Variants in MMEL1 observed in about 807,000 individuals in gnomAD.
MMEL1 encodes the protein membrane metallo-endopeptidase-like 1.
In MMEL1, 98 loss-of-function variants were observed where a neutral mutation model predicts 117.1. The ratio of observed to expected loss-of-function variants is 0.84; its 90% CI spans 0.71 to 0.99. The LOEUF (loss-of-function observed/expected upper bound fraction) is 0.99. Ranked by LOEUF, MMEL1 falls within the 50% of genes least tolerant of loss-of-function variation. MMEL1 has a pLI of 0.00. For missense variants in MMEL1, 1,014 were observed against 1,049.1 expected (o/e 0.97, Z 0.46); for synonymous variants, 390 against 415.1 (o/e 0.94, Z 0.74).
intron 2 of MMEL1, among the ~76,000 whole-genome samples, chr1:2,624,524 T>C (rs1557558920): frequency 2.0e-5 from 3 of 152,256 alleles, no homozygotes; most frequent in Admixed American, 6.5e-5. Flanking sequence ...TGGTGCAATG[T>C]ATTATTATGT....
intron 7 of MMEL1, 30 bp from the exon 8 acceptor site, chr1:2,606,396 T>G: frequency 6.3e-7 from 1 of 1,576,274 alleles, no homozygotes; most frequent in Non-Finnish European, 8.7e-7. Context: ...CACTGGAGAC[T>G]GGCGGGCCCT....
At chr1:2,621,790 G>A (rs1363129816) in intron 2 of MMEL1, among the ~76,000 whole-genome samples, 3 of 152,192 alleles carry the variant, frequency 2.0e-5, no homozygotes, top group Non-Finnish European at 4.4e-5. Flanking sequence ...TCGAGCTCCC[G>A]ACTTCAGGTG....
chr1:2,605,831 CG>C (rs550754733), intron 8 of MMEL1, among the ~76,000 whole-genome samples: 1 of 31,250 alleles, frequency 3.2e-5, no homozygotes, highest in Non-Finnish European at 6.9e-5. Flanking sequence ...GAGAGGGTGG[CG>C]GGGGTGGGGT....
At chr1:2,628,142 T>G (rs779477609) in intron 2 of MMEL1, among the ~76,000 whole-genome samples, 6 of 152,308 alleles carry the variant, frequency 3.9e-5, no homozygotes, top group Non-Finnish European at 5.9e-5. Context: ...GGGCTCTGGG[T>G]TCCTCAGTGT....
chr1:2,593,853 CCAT>C lies in MMEL1; in HGVS notation c.1825_1827del (p.Met609del). On this transcript the variant is annotated inframe_deletion, in exon 19 of 24. Transcript: ENST00000378412. ...CCGTGCGTGATCTCGTGCCCGATCA[CCAT>C]CCCAATGCCTCCAAAGTTCAAGGCC... 1 of 1,612,554 alleles carries C rather than the reference CCAT, an allele frequency of 6.2e-7. No individual in the cohort carries two copies. Among genetic ancestry groups the C allele is most frequent in the Non-Finnish European group, 8.5e-7 (1 of 1,179,208 alleles).
intron 18 of MMEL1, 21 bp downstream of exon 18, chr1:2,594,364 C>T: frequency 6.4e-7 from 1 of 1,551,610 alleles, no homozygotes; most frequent in Non-Finnish European, 8.7e-7. Context: ...CCTGGGCAGG[C>T]AGGGAGGGGG....
chr1:2,594,828 C>T lies in MMEL1; in HGVS notation c.1650G>A (p.Arg550=), dbSNP rs150848327. The change falls in exon 17 of 24, where the codon CGG becomes CGA. Residue 550 remains arginine, a synonymous_variant. Transcript: ENST00000378412. Reference sequence around the variant, plus strand: ...CCTTTTCCCGAAGCTTCCTGAGGCTCCGCTGGGCGCCCACCTTGAGGTTCT... The same window carrying T: ...CCTTTTCCCGAAGCTTCCTGAGGCTTCGCTGGGCGCCCACCTTGAGGTTCT... ...SLQNLKVGAQ[R]SLRKLREKVD... 2.0e-5 allele frequency: 32 copies of T among 1,613,874 alleles called. No homozygotes were observed. The African/African-American group carries it at 4.0e-4, about 20-fold the overall frequency.
chr1:2,598,373 G>T, intron 12 of MMEL1, 73 bp from the exon 13 acceptor site: 2 of 1,483,460 alleles, frequency 1.3e-6, no homozygotes, highest in South Asian at 2.3e-5. Flanking sequence ...ATGGCTTAGG[G>T]CCCTTGGCCA....
chr1:2,627,546 A>G (rs1638333869), intron 2 of MMEL1, among the ~76,000 whole-genome samples: 1 of 152,214 alleles, frequency 6.6e-6, no homozygotes. Flanking sequence ...TTAGCCCCAA[A>G]GCAAGCCCAG....
intron 2 of MMEL1, among the ~76,000 whole-genome samples, chr1:2,617,006 G>A (rs998095897): frequency 2.6e-5 from 4 of 152,206 alleles, no homozygotes; most frequent in South Asian, 2.1e-4. Flanking sequence ...TGTTTTTTCC[G>A]TGTCGTCCCT....
chr1:2,610,568 T>A (rs1645108752), intron 4 of MMEL1, among the ~76,000 whole-genome samples: 1 of 152,142 alleles, frequency 6.6e-6, no homozygotes, highest in South Asian at 2.1e-4. Context: ...CACTCATCAG[T>A]GTGCTTGGTC....
At chr1:2,607,152 C>A in intron 6 of MMEL1, 83 bp from the exon 7 acceptor site, 2 of 1,268,232 alleles carry the variant, frequency 1.6e-6, no homozygotes, top group South Asian at 1.2e-5. Context: ...CGCCGTTGGC[C>A]GGCGTCACAG....
rs902747462 is a variant in MMEL1, at chr1:2,593,103, T to C, written c.1868-137A>G. On this transcript the variant is annotated intron_variant, in intron 19 of 23. Coordinates refer to ENST00000378412, the MANE Select transcript of MMEL1 (RefSeq NM_033467.4). The stretch of plus-strand genomic sequence containing the variant: ...CGGAGAGCCCACAGTCTGAGTAGGC[T>C]GAGCCTGGAAGAGCATCGCGGGCTC... The C allele has an allele frequency of 5.5e-5, 64 of 1,154,832 alleles. No homozygotes were observed. The African/African-American group carries it at 8.6e-4, about 16-fold the overall frequency. 71.5% of individuals were successfully genotyped at this position (1,154,832 alleles called of 1,614,324 possible). A position where few individuals can be genotyped will look rare whatever the true frequency, so the allele number is the denominator to read the frequency against.
At chr1:2,609,246 G>T in intron 6 of MMEL1, 93 bp downstream of exon 6, 1 of 1,255,264 alleles carries the variant, frequency 8.0e-7, no homozygotes. Flanking sequence ...TACCCTAGGG[G>T]CAGCCATGGG....
intron 2 of MMEL1, among the ~76,000 whole-genome samples, chr1:2,613,598 G>A (rs1161064181): frequency 2.6e-5 from 4 of 152,172 alleles, no homozygotes; most frequent in African/African-American, 9.6e-5. Context: ...ACCAGCATGA[G>A]TCAAATTCCA....
At chr1:2,598,040 C>T (rs1447705202) in intron 13 of MMEL1, among the ~76,000 whole-genome samples, 167 bp downstream of exon 13, 1 of 152,272 alleles carries the variant, frequency 6.6e-6, no homozygotes, top group East Asian at 1.9e-4. Context: ...TACGTTCTGC[C>T]TTGTTGACTG....
intron 2 of MMEL1, among the ~76,000 whole-genome samples, chr1:2,619,344 C>T (rs1645254222): frequency 1.3e-5 from 2 of 152,258 alleles, no homozygotes; most frequent in Admixed American, 6.5e-5. Flanking sequence ...AACGTAAGTA[C>T]GTTTGAAATG....
At chr1:2,631,958 T>G (rs1278158739) in intron 1 of MMEL1, among the ~76,000 whole-genome samples, 1 of 152,130 alleles carries the variant, frequency 6.6e-6, no homozygotes, top group Non-Finnish European at 1.5e-5. Flanking sequence ...AGGCCGTCAC[T>G]CCCTGGCCCC....
intron 7 of MMEL1, 73 bp downstream of exon 7, chr1:2,606,901 C>T: frequency 7.2e-7 from 1 of 1,387,452 alleles, no homozygotes; most frequent in South Asian, 1.2e-5. Context: ...TCCTGGAAGG[C>T]CTCAGACCGA....
Sources: allele counts gnomAD v4.1 joint callset (sites outside exome capture counted in the v4.1 genomes callset), GRCh38; gene constraint gnomAD v4.1.1; transcripts MANE v1.5; gene names NCBI Gene and HGNC (gene_info 2026-07-23, HGNC 2026-07-21).